Variants in ALDH7A1 observed in about 807,000 individuals in gnomAD.
The protein encoded by ALDH7A1 is alpha-aminoadipic semialdehyde dehydrogenase.
ALDH7A1 carries 63 observed loss-of-function variants against 79.9 expected under a neutral mutation model. That is an observed-to-expected ratio of 0.79 (90% CI 0.64 to 0.97). ALDH7A1 has a LOEUF of 0.97. Among genes scored for constraint, ALDH7A1 ranks in the 50% least tolerant of loss-of-function variants. ALDH7A1 has a pLI of 0.00. For missense variants in ALDH7A1, 627 were observed against 665.2 expected (o/e 0.94, Z 0.63); for synonymous variants, 240 against 231.2 (o/e 1.04, Z -0.34).
chr5:126,568,874 A>G (rs34323751), intron 8 of ALDH7A1: 51,485 of 164,136 alleles, frequency 0.31, 12,886 homozygotes, highest in African/African-American at 0.72. Flanking sequence ...AGCTGAGGTC[A>G]AGCCACTGCA....
chr5:126,592,765 TAA>T, intron 2 of ALDH7A1, 36 bp from the exon 3 acceptor site: 1 of 1,575,070 alleles, frequency 6.3e-7, no homozygotes, highest in Non-Finnish European at 8.7e-7. Flanking sequence ...AAGGGGGAAA[TAA>T]AGAGAAATGA....
rs1197385296 is a variant in ALDH7A1 at position 126,594,997 on chromosome 5, GCCCGCGTACCTCT to G, written c.189_192+9del. ...CGGCGGCTGCAGAGATTTCTTGAGC[GCCCGCGTACCTCT>G]CCCCGGCCTCCCCAGCTTCCATTAT... On this transcript the variant is annotated splice_donor_variant and splice_donor_5th_base_variant and coding_sequence_variant and intron_variant, in exon 1 of 18. Coordinates refer to ENST00000409134, the MANE Select transcript of ALDH7A1 (RefSeq NM_001182.5). LOFTEE classifies it high-confidence loss of function. The G allele has an allele frequency of 1.3e-6, 2 of 1,586,326 alleles. No individual in the cohort carries two copies. The highest frequency in any genetic ancestry group is 1.7e-6 in the Non-Finnish European group (2 of 1,167,120).
At chr5:126,573,003 T>C (rs947647090) in intron 7 of ALDH7A1, among the ~76,000 whole-genome samples, 6 of 151,792 alleles carry the variant, frequency 4.0e-5, no homozygotes, top group African/African-American at 1.5e-4. Flanking sequence ...AAATTTAGCA[T>C]CATTTTACTT....
intron 13 of ALDH7A1, among the ~76,000 whole-genome samples, chr5:126,552,559 A>C (rs867014303): frequency 1.1e-4 from 17 of 151,080 alleles, no homozygotes; most frequent in African/African-American, 3.4e-4. Flanking sequence ...TGCCCAGCTA[A>C]ATTTTTTTTG....
In ALDH7A1 at chr5:126,542,146, GAAAAAAA is replaced by G. The variant is rs11395324; in HGVS notation, c.*2812_*2818del. On this transcript the variant is annotated 3_prime_UTR_variant, in exon 18 of 18. Coordinates refer to ENST00000409134, the MANE Select transcript of ALDH7A1 (RefSeq NM_001182.5). ...TTCTGCAGGATAAGCTCCAGGTGTAGAAAAAAAAAAAAAAAAAAAAGTTTGTTGGAGA... is the reference window on the plus strand; with the variant it reads ...TTCTGCAGGATAAGCTCCAGGTGTAGAAAAAAAAAAAAAGTTTGTTGGAGA... 5 of 94,556 alleles carry G rather than the reference GAAAAAAA, an allele frequency of 5.3e-5. No individual in the cohort carries two copies. Among genetic ancestry groups the G allele is most frequent in the Admixed American group, 3.2e-4 (3 of 9,400 alleles). 5.9% of individuals were successfully genotyped at this position (94,556 alleles called of 1,614,324 possible). A position where few individuals can be genotyped will look rare whatever the true frequency, so the allele number is the denominator to read the frequency against.
chr5:126,541,905 C>T lies in ALDH7A1; in HGVS notation c.*3060G>A, dbSNP rs2127029728. ...TAACGTAGACAAATCGTAACATGTACCCCAAATCCAAATGGATTAAAGACA... is the reference window on the plus strand; with the variant it reads ...TAACGTAGACAAATCGTAACATGTATCCCAAATCCAAATGGATTAAAGACA... On this transcript the variant is annotated 3_prime_UTR_variant, in exon 18 of 18. Coordinates refer to ENST00000409134, the MANE Select transcript of ALDH7A1 (RefSeq NM_001182.5). The T allele has an allele frequency of 6.6e-6, 1 of 151,810 alleles. No homozygotes were observed. Among genetic ancestry groups the T allele is most frequent in the East Asian group, 1.9e-4 (1 of 5,162 alleles). The allele number at this position is 151,810 out of a possible 1,614,324, so 9.4% of individuals were successfully genotyped here.
intron 6 of ALDH7A1, 138 bp downstream of exon 6, chr5:126,576,941 A>G (rs1028868283): frequency 5.2e-6 from 6 of 1,158,496 alleles, no homozygotes; most frequent in African/African-American, 1.6e-5. Flanking sequence ...AAAATAAAAT[A>G]AAATAAAGTT....
chr5:126,553,179 T>G (rs1450623555), intron 13 of ALDH7A1: 2 of 152,250 alleles, frequency 1.3e-5, no homozygotes, highest in Non-Finnish European at 2.9e-5. Flanking sequence ...AAAAGGAATT[T>G]TCCTTTCCAT....
intron 1 of ALDH7A1, 128 bp from the exon 2 acceptor site, chr5:126,593,532 G>T: frequency 1.6e-6 from 2 of 1,287,828 alleles, no homozygotes; most frequent in Non-Finnish European, 1.1e-6. Context: ...AAAAGCTTAG[G>T]TTAACTTCTG....
intron 16 of ALDH7A1, among the ~76,000 whole-genome samples, chr5:126,546,651 T>TAAAA (rs10630162): frequency 7.0e-6 from 1 of 142,664 alleles, no homozygotes; most frequent in African/African-American, 2.6e-5. Context: ...AAAGAAACGG[T>TAAAA]AAAAAAAAAA....
rs988470974 is a variant in ALDH7A1, at chr5:126,556,250, T to TTTC, written c.1009-236_1009-235insGAA. ...ATCATAAGCCATGTCTTTTTTTTTT[T>TTTC]TTTTTTTTTTGAGACAGAGTCTCAC... On this transcript the variant is annotated intron_variant, in intron 11 of 17. Coordinates refer to ENST00000409134, the MANE Select transcript of ALDH7A1 (RefSeq NM_001182.5). Among the ~76,000 whole-genome samples the TTTC allele has an allele frequency of 2.9e-4, 41 of 142,904 alleles. 2 individuals carry two copies. In the South Asian group the frequency reaches 6.0e-3, roughly 21 times the overall value. 93.8% of individuals were successfully genotyped at this position (142,904 alleles called of 152,430 possible). A position where few individuals can be genotyped will look rare whatever the true frequency, so the allele number is the denominator to read the frequency against.
intron 1 of ALDH7A1, 46 bp downstream of exon 1, chr5:126,594,961 C>G: frequency 3.2e-6 from 5 of 1,554,142 alleles, no homozygotes; most frequent in Non-Finnish European, 4.4e-6. Flanking sequence ...CCGGCCTCCT[C>G]GAGCGAGCCC....
At chr5:126,578,548 A>C (rs1436768693) in intron 5 of ALDH7A1, among the ~76,000 whole-genome samples, 4 of 150,346 alleles carry the variant, frequency 2.7e-5, no homozygotes, top group African/African-American at 9.8e-5. Context: ...GAGGCTGAGG[A>C]GAACTGCTTG....
chr5:126,565,716 C>T (rs1173494828), intron 9 of ALDH7A1, among the ~76,000 whole-genome samples: 2 of 152,150 alleles, frequency 1.3e-5, no homozygotes, highest in South Asian at 4.1e-4. Flanking sequence ...CCTATGTTTT[C>T]TTCTAAGAGT....
chr5:126,575,310 T>TCAGGA (rs1429383390), intron 7 of ALDH7A1, 110 bp downstream of exon 7: 3 of 993,072 alleles, frequency 3.0e-6, no homozygotes, highest in Non-Finnish European at 4.6e-6. Context: ...AAAGAGGTTA[T>TCAGGA]CCAAATTCCA....
chr5:126,545,450 A>C (rs1047077493), intron 17 of ALDH7A1, among the ~76,000 whole-genome samples: 2 of 151,074 alleles, frequency 1.3e-5, no homozygotes, highest in African/African-American at 4.9e-5. Context: ...TTTAGTAGAG[A>C]CGGGGTTTCA....
At chr5:126,591,861 C>T (rs1452808840) in intron 3 of ALDH7A1, 1 of 152,096 alleles carries the variant, frequency 6.6e-6, no homozygotes, top group African/African-American at 2.4e-5. Context: ...GACTCTGCCT[C>T]ACAGCCTGAT....
At chr5:126,571,211 C>T (rs1750761585) in intron 7 of ALDH7A1, 1 of 291,226 alleles carries the variant, frequency 3.4e-6, no homozygotes, top group South Asian at 3.1e-5. Flanking sequence ...GGTGTGGTGG[C>T]TCATGCCTGC....
intron 6 of ALDH7A1, among the ~76,000 whole-genome samples, chr5:126,576,782 C>G (rs560827764): frequency 3.2e-4 from 48 of 152,180 alleles, no homozygotes; most frequent in African/African-American, 1.1e-3. Flanking sequence ...AAAAAATGAG[C>G]CGGGCATGGT....
Sources: allele counts gnomAD v4.1 joint callset (sites outside exome capture counted in the v4.1 genomes callset), GRCh38; gene constraint gnomAD v4.1.1; transcripts MANE v1.5; gene names NCBI Gene and HGNC (gene_info 2026-07-23, HGNC 2026-07-21).